Variants in OR2G6 observed in about 807,000 individuals in gnomAD.
The protein encoded by OR2G6 is olfactory receptor 2G6.
For synonymous variants in OR2G6, 183 were observed against 155.2 expected (o/e 1.18, Z -1.33); for missense variants, 457 against 391.3 (o/e 1.17, Z -1.42).
At chr1:248,520,114 G>A (rs572246711) in intron 1 of OR2G6, among the ~76,000 whole-genome samples, 3 of 152,152 alleles carry the variant, frequency 2.0e-5, no homozygotes, top group Non-Finnish European at 4.4e-5. Context: ...ATGCATTCAT[G>A]TCCTTTGCAG....
rs1271969582 is a variant in OR2G6, at chr1:248,522,663, C to T, written c.*66C>T. The T allele has an allele frequency of 3.7e-6, 4 of 1,076,282 alleles. No homozygotes were observed. Among genetic ancestry groups the T allele is most frequent in the Non-Finnish European group, 4.0e-6 (3 of 752,094 alleles). 66.7% of individuals were successfully genotyped at this position (1,076,282 alleles called of 1,614,324 possible). On this transcript the variant is annotated 3_prime_UTR_variant, in exon 2 of 2. Transcript: ENST00000641804. ...AGAGTGAGGGTTCATCCTCCCCAGA[C>T]ATTCCTCTTGTCAATCCCAAAGCCA...
chr1:248,524,111 C>T lies in OR2G6; in HGVS notation c.*1514C>T, dbSNP rs1664349720. ...CTGGTGTGAGAATATTGTAGCCTGTCTACGAATGTTAAGGATAACGTTTGG... is the reference window on the plus strand; with the variant it reads ...CTGGTGTGAGAATATTGTAGCCTGTTTACGAATGTTAAGGATAACGTTTGG... On this transcript the variant is annotated 3_prime_UTR_variant, in exon 2 of 2. Coordinates refer to ENST00000641804, the MANE Select transcript of OR2G6 (RefSeq NM_001013355.2). The T allele has an allele frequency of 6.6e-6, 1 of 152,032 alleles. No homozygotes were observed. Among genetic ancestry groups the T allele is most frequent in the South Asian group, 2.1e-4 (1 of 4,818 alleles). 9.4% of individuals were successfully genotyped at this position (152,032 alleles called of 1,614,324 possible).
rs952799026 is a variant in OR2G6 at position 248,521,730 on chromosome 1, T to G, written c.84T>G (p.Phe28Leu). ...SDQPQLERFL[F>L]AIILYFYVLS... ...AGCCTCAGCTAGAGAGGTTTCTTTT[T>G]GCCATCATTTTGTACTTCTACGTCT... Residue 28 changes from phenylalanine (F) to leucine (L), a missense_variant, in exon 2 of 2, where the codon TTT becomes TTG. Transcript: ENST00000641804. 2.3e-5 allele frequency: 37 copies of G among 1,614,058 alleles called. No homozygotes were observed. In the East Asian group the frequency reaches 7.6e-4, roughly 33 times the overall value.
chr1:248,520,823 A>G (rs1558371400), intron 1 of OR2G6, among the ~76,000 whole-genome samples: 2 of 150,540 alleles, frequency 1.3e-5, no homozygotes, highest in Middle Eastern at 3.5e-3. Flanking sequence ...AGCCTGGCCA[A>G]CATGGTGAAA....
At position 248,524,138 on chromosome 1, in the gene OR2G6, C is replaced by G. The variant is rs889132581; in HGVS notation, c.*1541C>G. ...ACGAATGTTAAGGATAACGTTTGGA[C>G]CTGCCTCTCCTACCAAAGCCTGGAC... is the stretch of plus-strand genomic sequence containing the variant. On this transcript the variant is annotated 3_prime_UTR_variant, in exon 2 of 2. Transcript: ENST00000641804. 4.6e-5 allele frequency: 7 copies of G among 152,270 alleles called. No homozygotes were observed. The highest frequency in any genetic ancestry group is 3.4e-3 in the Middle Eastern group (1 of 294). The allele number at this position is 152,270 out of a possible 1,614,324, so 9.4% of individuals were successfully genotyped here.
In OR2G6 at chr1:248,525,330, A is replaced by G. The variant is rs1664374268; in HGVS notation, c.*2733A>G. ...GTTTTCAAAGGATGCGCCAAGAAAAAAACTATCACTTAGTTAAATGACCAT... is the reference window on the plus strand; with the variant it reads ...GTTTTCAAAGGATGCGCCAAGAAAAGAACTATCACTTAGTTAAATGACCAT... On this transcript the variant is annotated 3_prime_UTR_variant, in exon 2 of 2. Coordinates refer to ENST00000641804, the MANE Select transcript of OR2G6 (RefSeq NM_001013355.2). 6.6e-6 allele frequency: 1 copy of G among 152,196 alleles called. No individual in the cohort carries two copies. The highest frequency in any genetic ancestry group is 1.5e-5 in the Non-Finnish European group (1 of 68,026). 9.4% of individuals were successfully genotyped at this position (152,196 alleles called of 1,614,324 possible).
rs1448847039 is a variant in OR2G6 at position 248,524,074 on chromosome 1, T to C, written c.*1477T>C. 6.6e-6 allele frequency: 1 copy of C among 152,172 alleles called. No individual in the cohort carries two copies. The highest frequency in any genetic ancestry group is 1.5e-5 in the Non-Finnish European group (1 of 68,052). The allele number at this position is 152,172 out of a possible 1,614,324, so 9.4% of individuals were successfully genotyped here. ...CTCAGCCTTCCAACATTCAGATTTA[T>C]AATAATTCATCCTGGTGTGAGAATA... On this transcript the variant is annotated 3_prime_UTR_variant, in exon 2 of 2. Coordinates refer to ENST00000641804, the MANE Select transcript of OR2G6 (RefSeq NM_001013355.2).
Position 248,521,854 on chromosome 1 carries a change from G to C in OR2G6, c.208G>C (p.Asp70His), listed in dbSNP as rs142379395. ...CTTCCTCAGCAACCTCTCGTGTGTG[G>C]ACATCTGCTTTACCACCAGTGTTGC... The part of the protein sequence containing the change: ...YFFLSNLSCV[D>H]ICFTTSVAPQ... The change falls in exon 2 of 2, where the codon GAC becomes CAC. Residue 70 changes from aspartate (D) to histidine (H), a missense_variant. By Grantham distance (81) the Asp-to-His change is moderately conservative (BLOSUM62 -1). Transcript: ENST00000641804. 103 of 1,614,030 alleles carry C rather than the reference G, an allele frequency of 6.4e-5. No individual in the cohort carries two copies. The highest frequency in any genetic ancestry group is 8.3e-5 in the Non-Finnish European group (98 of 1,180,036).
rs149255742 is a variant in OR2G6, at chr1:248,522,276, G to A, written c.630G>A (p.Pro210=). 86 of 1,613,940 alleles carry A rather than the reference G, an allele frequency of 5.3e-5. No individual in the cohort carries two copies. The highest frequency in any genetic ancestry group is 2.1e-4 in the African/African-American group (16 of 74,872). ...FVASVVFLIV[P]VLLILVSYGF... is the part of the protein sequence containing the mutation. Reference sequence around the variant, plus strand: ...CCAGTGTAGTCTTTCTAATTGTCCCGGTGTTACTCATCTTAGTCTCCTATG... The same window carrying A: ...CCAGTGTAGTCTTTCTAATTGTCCCAGTGTTACTCATCTTAGTCTCCTATG... The change falls in exon 2 of 2, where the codon CCG becomes CCA. Residue 210 remains proline (P), a synonymous_variant. Coordinates refer to ENST00000641804, the MANE Select transcript of OR2G6 (RefSeq NM_001013355.2).
In OR2G6 at chr1:248,523,500, A is replaced by G. The variant is rs1328469021; in HGVS notation, c.*903A>G. The stretch of plus-strand genomic sequence containing the variant: ...TGGCCTTAAACTCTGGAAAACAGTT[A>G]CTTATGTAATTTTATACTTCAAAAA... On this transcript the variant is annotated 3_prime_UTR_variant, in exon 2 of 2. Transcript: ENST00000641804. 1 of 152,166 alleles carries G rather than the reference A, an allele frequency of 6.6e-6. No individual in the cohort carries two copies. The highest frequency in any genetic ancestry group is 1.5e-5 in the Non-Finnish European group (1 of 68,040). 9.4% of individuals were successfully genotyped at this position (152,166 alleles called of 1,614,324 possible).
At position 248,526,100 on chromosome 1, in the gene OR2G6, A is replaced by G. The variant is rs1664389665; in HGVS notation, c.*3503A>G. On this transcript the variant is annotated 3_prime_UTR_variant, in exon 2 of 2. Coordinates refer to ENST00000641804, the MANE Select transcript of OR2G6 (RefSeq NM_001013355.2). ...ATCAGACAGGGAAAATAAAAGTACC[A>G]AGAAAAATAAACAAGGGTCTTATAA... 1 of 152,214 alleles carries G rather than the reference A, an allele frequency of 6.6e-6. No homozygotes were observed. The highest frequency in any genetic ancestry group is 1.5e-5 in the Non-Finnish European group (1 of 68,038). The allele number at this position is 152,214 out of a possible 1,614,324, so 9.4% of individuals were successfully genotyped here.
chr1:248,521,062 A>AG (rs1664274799), intron 1 of OR2G6, among the ~76,000 whole-genome samples: 3 of 143,972 alleles, frequency 2.1e-5, no homozygotes, highest in Admixed American at 1.4e-4. Flanking sequence ...AAAAAAAAAA[A>AG]AAATACAACA....
chr1:248,521,558 G>A (rs1051098447), intron 1 of OR2G6, 53 bp from the exon 2 acceptor site: 2 of 895,720 alleles, frequency 2.2e-6, no homozygotes, highest in African/African-American at 3.3e-5. Flanking sequence ...AAACGACTGT[G>A]GATTACCATT....
rs1664285923 is a variant in OR2G6 at position 248,521,636 on chromosome 1, C to A, written c.-11C>A. 1 of 1,595,690 alleles carries A rather than the reference C, an allele frequency of 6.3e-7. No individual in the cohort carries two copies. ...TATTTGAAGCTGAAGAGTCCTGAAG[C>A]TGCAGGAAAAATGGAGGAAACCAAC... is the stretch of plus-strand genomic sequence containing the variant. On this transcript the variant is annotated 5_prime_UTR_variant, in exon 2 of 2. The change creates a new upstream start codon in the 5' untranslated region. Transcript: ENST00000641804.
rs374685472 is a variant in OR2G6 at position 248,522,221 on chromosome 1, C to T, written c.575C>T (p.Thr192Met). 4.3e-5 allele frequency: 69 copies of T among 1,614,004 alleles called. No individual in the cohort carries two copies. The highest frequency in any genetic ancestry group is 6.6e-5 in the South Asian group (6 of 91,088). ...CTCATCAAACTGGCCTGTGTGGATA[C>T]GACTTTCAACGAGGCAGAACTCTTT... ...PVLIKLACVD[T>M]TFNEAELFVA... The change falls in exon 2 of 2, where the codon ACG becomes ATG. Residue 192 changes from threonine to methionine, a missense_variant. Coordinates refer to ENST00000641804, the MANE Select transcript of OR2G6 (RefSeq NM_001013355.2).
Position 248,522,099 on chromosome 1 carries a change from C to A in OR2G6, c.453C>A (p.Ser151Arg), listed in dbSNP as rs774470186. The change falls in exon 2 of 2, where the codon AGC becomes AGA. Residue 151 changes from serine to arginine, a missense_variant. Coordinates refer to ENST00000641804, the MANE Select transcript of OR2G6 (RefSeq NM_001013355.2). ...CASLAGGAWL[S>R]GLITSLIQCS... Reference sequence around the variant, plus strand: ...CTCTGGCCGGTGGAGCATGGCTCAGCGGCCTCATCACCTCCCTAATTCAGT... The same window carrying A: ...CTCTGGCCGGTGGAGCATGGCTCAGAGGCCTCATCACCTCCCTAATTCAGT... 3 of 1,614,104 alleles carry A rather than the reference C, an allele frequency of 1.9e-6. No individual in the cohort carries two copies. Among genetic ancestry groups the A allele is most frequent in the Admixed American group, 1.7e-5 (1 of 60,020 alleles).
chr1:248,525,020 C>A lies in OR2G6; in HGVS notation c.*2423C>A, dbSNP rs1462128365. ...TTCCTATGATATGGATATGTTTATA[C>A]TGCTTTTATAATCATCATACATGTA... On this transcript the variant is annotated 3_prime_UTR_variant, in exon 2 of 2. Transcript: ENST00000641804. 1 of 152,084 alleles carries A rather than the reference C, an allele frequency of 6.6e-6. No homozygotes were observed. Among genetic ancestry groups the A allele is most frequent in the Non-Finnish European group, 1.5e-5 (1 of 68,010 alleles). 9.4% of individuals were successfully genotyped at this position (152,084 alleles called of 1,614,324 possible). A position where few individuals can be genotyped will look rare whatever the true frequency, so the allele number is the denominator to read the frequency against.
In OR2G6 at chr1:248,523,595, CAA is replaced by C. The variant is rs570026130; in HGVS notation, c.*1005_*1006del. The C allele has an allele frequency of 1.6e-3, 250 of 151,594 alleles. No homozygotes were observed. Among genetic ancestry groups the C allele is most frequent in the African/African-American group, 5.8e-3 (239 of 41,392 alleles). The allele number at this position is 151,594 out of a possible 1,614,324, so 9.4% of individuals were successfully genotyped here. A position where few individuals can be genotyped will look rare whatever the true frequency, so the allele number is the denominator to read the frequency against. On this transcript the variant is annotated 3_prime_UTR_variant, in exon 2 of 2. Coordinates refer to ENST00000641804, the MANE Select transcript of OR2G6 (RefSeq NM_001013355.2). ...GTTATATGTTTGGTTTCCAAAACAG[CAA>C]AAAAAATGAAATATTTAGAAGCATT...
In OR2G6 at chr1:248,522,854, C is replaced by T; in HGVS notation, c.*257C>T. On this transcript the variant is annotated 3_prime_UTR_variant, in exon 2 of 2. Coordinates refer to ENST00000641804, the MANE Select transcript of OR2G6 (RefSeq NM_001013355.2). ...CACCAAAGCAGCATGAGGGTTCATC[C>T]TCCCAGACATTCCTCTTGTCAATCC... 1 of 432,748 alleles carries T rather than the reference C, an allele frequency of 2.3e-6. No individual in the cohort carries two copies. Among genetic ancestry groups the T allele is most frequent in the Non-Finnish European group, 4.1e-6 (1 of 245,068 alleles). The allele number at this position is 432,748 out of a possible 1,614,324, so 26.8% of individuals were successfully genotyped here.
Sources: gnomAD v4.1 joint callset for allele counts (sites outside exome capture counted in the v4.1 genomes callset) on GRCh38, gnomAD v4.1.1 for gene constraint, MANE v1.5 for transcripts, NCBI Gene and HGNC (gene_info 2026-07-23, HGNC 2026-07-21) for gene names.